Variants in TFPI observed in about 807,000 individuals in gnomAD.
TFPI encodes the protein anti-convertin.
Under a neutral mutation model 34.6 loss-of-function variants are expected in TFPI, and 15 were observed. That is an observed-to-expected ratio of 0.43 (90% CI 0.29 to 0.67). TFPI has a LOEUF of 0.67. Among genes scored for constraint, TFPI ranks in the 30% least tolerant of loss-of-function variants. The pLI is 0.15. For missense variants in TFPI, 301 were observed against 364.0 expected (o/e 0.83, Z 1.41); for synonymous variants, 105 against 120.1 (o/e 0.87, Z 0.82).
At chr2:187,475,608 C>T (rs8176548) in intron 6 of TFPI, among the ~76,000 whole-genome samples, 55,948 of 151,604 alleles carry the variant, frequency 0.37, 10,620 homozygotes, top group Middle Eastern at 0.46. Flanking sequence ...TTTTGAGATA[C>T]TTCTTGCCAC....
intron 1 of TFPI, among the ~76,000 whole-genome samples, chr2:187,548,895 T>G (rs1008014862): frequency 6.6e-6 from 1 of 152,050 alleles, no homozygotes; most frequent in Non-Finnish European, 1.5e-5. Context: ...AGCTGTTCCT[T>G]AAGAAAAAAT....
chr2:187,465,234 G>A lies in TFPI; in HGVS notation c.*1702C>T, dbSNP rs1291657742. 2.0e-5 allele frequency: 3 copies of A among 152,092 alleles called. No homozygotes were observed. Among genetic ancestry groups the A allele is most frequent in the Non-Finnish European group, 4.4e-5 (3 of 68,050 alleles). 9.4% of individuals were successfully genotyped at this position (152,092 alleles called of 1,614,324 possible). A position where few individuals can be genotyped will look rare whatever the true frequency, so the allele number is the denominator to read the frequency against. On this transcript the variant is annotated 3_prime_UTR_variant, in exon 8 of 8. Transcript: ENST00000233156. ...AGTAAAGAGTAAAAACGGGGGCATTGTGGTTTATACCTGTAATCCCAGCAC... is the reference window on the plus strand; with the variant it reads ...AGTAAAGAGTAAAAACGGGGGCATTATGGTTTATACCTGTAATCCCAGCAC...
At chr2:187,505,947 A>G (rs1394896356) in intron 1 of TFPI, among the ~76,000 whole-genome samples, 3 of 150,590 alleles carry the variant, frequency 2.0e-5, no homozygotes, top group Non-Finnish European at 3.0e-5. Context: ...CTATATGACT[A>G]TATACCACAG....
chr2:187,510,065 C>T (rs1301266391), intron 1 of TFPI, among the ~76,000 whole-genome samples: 1 of 152,190 alleles, frequency 6.6e-6, no homozygotes. Context: ...CAATCAAGTT[C>T]AGTGTCGATT....
At chr2:187,494,357 C>T (rs537635048) in intron 3 of TFPI, among the ~76,000 whole-genome samples, 3 of 152,294 alleles carry the variant, frequency 2.0e-5, no homozygotes, top group African/African-American at 4.8e-5. Context: ...GCCATCTCCT[C>T]TTTTCAGAGA....
chr2:187,481,723 C>T (rs1047016389), intron 6 of TFPI, among the ~76,000 whole-genome samples: 4 of 151,516 alleles, frequency 2.6e-5, no homozygotes, highest in African/African-American at 9.7e-5. Flanking sequence ...TCAAATTGGC[C>T]GGAGGAATGT....
chr2:187,492,692 T>C (rs1323626762), intron 3 of TFPI, among the ~76,000 whole-genome samples: 1 of 152,188 alleles, frequency 6.6e-6, no homozygotes, highest in Non-Finnish European at 1.5e-5. Flanking sequence ...TGCTGGATTT[T>C]GGACTTCCAT....
chr2:187,496,805 C>A (rs1051474612), intron 3 of TFPI, 76 bp downstream of exon 3: 1 of 1,303,598 alleles, frequency 7.7e-7, no homozygotes, highest in South Asian at 1.4e-5. Context: ...TTACTTTTCT[C>A]CCTAAATTAT....
At chr2:187,467,144 G>GA in intron 7 of TFPI, 102 bp from the exon 8 acceptor site, 1 of 754,408 alleles carries the variant, frequency 1.3e-6, no homozygotes, top group South Asian at 1.8e-5. Flanking sequence ...AAATCCAAAA[G>GA]ATGTTATTGA....
chr2:187,491,710 T>C (rs891028312), intron 3 of TFPI, among the ~76,000 whole-genome samples: 1 of 152,128 alleles, frequency 6.6e-6, no homozygotes, highest in Non-Finnish European at 1.5e-5. Flanking sequence ...TGCTTTTGGG[T>C]AGACAGCCAG....
At chr2:187,484,065 A>G in intron 6 of TFPI, 59 bp downstream of exon 6, 1 of 1,379,184 alleles carries the variant, frequency 7.3e-7, no homozygotes, top group African/African-American at 1.4e-5. Context: ...TACACAATCC[A>G]CTTCATTGTT....
chr2:187,485,578 C>G (rs1693203125), intron 4 of TFPI, among the ~76,000 whole-genome samples: 1 of 151,628 alleles, frequency 6.6e-6, no homozygotes, highest in Admixed American at 6.6e-5. Context: ...TTTCCTTCTT[C>G]TTGTCATTGG....
chr2:187,549,727 A>G (rs1205784271), intron 1 of TFPI, among the ~76,000 whole-genome samples: 1 of 152,118 alleles, frequency 6.6e-6, no homozygotes, highest in Non-Finnish European at 1.5e-5. Context: ...TTATTTAGGC[A>G]AACTAAAAGT....
chr2:187,509,318 G>C (rs1686453994), intron 1 of TFPI, among the ~76,000 whole-genome samples: 1 of 152,180 alleles, frequency 6.6e-6, no homozygotes, highest in Non-Finnish European at 1.5e-5. Flanking sequence ...CTCATAAAAT[G>C]AGTTAGGGAG....
At chr2:187,528,634 G>GT (rs1687800999) in intron 1 of TFPI, among the ~76,000 whole-genome samples, 1 of 152,114 alleles carries the variant, frequency 6.6e-6, no homozygotes, top group South Asian at 2.1e-4. Context: ...CAATCATAAT[G>GT]TAAATAGCAG....
intron 3 of TFPI, among the ~76,000 whole-genome samples, chr2:187,489,496 G>A (rs1236554025): frequency 6.6e-6 from 1 of 151,238 alleles, no homozygotes; most frequent in East Asian, 1.9e-4. Flanking sequence ...CTAGATTGTA[G>A]ACTGTCATAT....
At chr2:187,478,687 A>G in intron 6 of TFPI, 1 of 1,613,220 alleles carries the variant, frequency 6.2e-7, no homozygotes, top group Non-Finnish European at 8.5e-7. Flanking sequence ...TAACATAGGC[A>G]TGAAATGCTA....
chr2:187,547,380 T>G (rs939210114), intron 1 of TFPI: 2 of 152,190 alleles, frequency 1.3e-5, no homozygotes, highest in African/African-American at 4.8e-5. Flanking sequence ...TAATGATCAG[T>G]GTTTTCACTC....
At chr2:187,508,132 G>A (rs1398108810) in intron 1 of TFPI, among the ~76,000 whole-genome samples, 1 of 152,068 alleles carries the variant, frequency 6.6e-6, no homozygotes, top group African/African-American at 2.4e-5. Flanking sequence ...GATGTGTGCT[G>A]TTATTTCTGA....
Sources: gnomAD v4.1 joint callset for allele counts (sites outside exome capture counted in the v4.1 genomes callset) on GRCh38, gnomAD v4.1.1 for gene constraint, MANE v1.5 for transcripts, NCBI Gene and HGNC (gene_info 2026-07-23, HGNC 2026-07-21) for gene names.